The following RNF10 variants were observed in gnomAD, a reference collection of about 807,000 sequenced individuals.
The protein encoded by RNF10 is ring finger protein 10, also known as E3 ubiquitin-protein ligase RNF10.
A neutral mutation model predicts 91.4 loss-of-function variants in RNF10; 38 were observed. That is an observed-to-expected ratio of 0.42 (90% CI 0.32 to 0.54). The LOEUF (loss-of-function observed/expected upper bound fraction) is 0.54. RNF10 is among the 20% of genes least tolerant of loss of function. The probability of loss-of-function intolerance (pLI) is 0.16; values close to 1 mark genes in which losing one functional copy is unlikely to be tolerated. For synonymous variants in RNF10, 364 were observed against 366.3 expected, an observed-to-expected ratio of 0.99 and a Z score of 0.07; for missense variants, 945 against 1,012.0, an observed-to-expected ratio of 0.93 and a Z score of 0.90.
At chr12:120,549,740 G>A (rs1338576123) in intron 2 of RNF10, among the ~76,000 whole-genome samples, 4 of 152,076 alleles carry the variant, frequency 2.6e-5, no homozygotes, top group Admixed American at 6.6e-5. Flanking sequence ...ACCTGAGATC[G>A]CACCACTGCA....
At chr12:120,558,454 TA>T (rs147730561) in intron 6 of RNF10, among the ~76,000 whole-genome samples, 5 of 150,610 alleles carry the variant, frequency 3.3e-5, no homozygotes, top group East Asian at 1.9e-4. Flanking sequence ...GTGTATTAAT[TA>T]AAAAAAAATC....
At position 120,534,915 on chromosome 12, in the gene RNF10, A is replaced by G. The variant is rs778295631; in HGVS notation, c.104A>G (p.Gln35Arg). 11 of 1,606,480 alleles carry G rather than the reference A, an allele frequency of 6.8e-6. No homozygotes were observed. The highest frequency in any genetic ancestry group is 2.2e-5 in the East Asian group (1 of 44,734). ...SASSGSSKGQ[Q>R]PPRSASAGPA... ...TCTTCGGGCAGCAGCAAAGGGCAAC[A>G]GCCGCCCCGCTCCGCCTCGGCGGGG... Residue 35 changes from glutamine to arginine, a missense_variant, in exon 1 of 17, where the codon CAG becomes CGG. Transcript: ENST00000325954.
intron 14 of RNF10, among the ~76,000 whole-genome samples, chr12:120,572,974 C>G (rs1390139248): frequency 7.1e-6 from 1 of 140,092 alleles, no homozygotes; most frequent in Non-Finnish European, 1.5e-5. Flanking sequence ...TTTTGAAATA[C>G]AGAGTTGAAA....
At chr12:120,562,838 C>T in intron 7 of RNF10, 107 bp from the exon 8 acceptor site, 1 of 1,400,392 alleles carries the variant, frequency 7.1e-7, no homozygotes, top group Non-Finnish European at 1.0e-6. Context: ...GTCTCATTGC[C>T]TTTTAACTTT....
rs546585678 is a variant in RNF10, at chr12:120,577,008, A to G, written c.*342A>G. ...CTTTGAGATGCATTAGAGCAGTCCA[A>G]CCCAGAATGGCACACACTGCTCTGC... is the stretch of plus-strand genomic sequence containing the variant. On this transcript the variant is annotated 3_prime_UTR_variant, in exon 17 of 17. Coordinates refer to ENST00000325954, the MANE Select transcript of RNF10 (RefSeq NM_014868.5). The G allele has an allele frequency of 1.6e-5, 6 of 368,598 alleles. No homozygotes were observed. Among genetic ancestry groups the G allele is most frequent in the Admixed American group, 7.8e-5 (2 of 25,598 alleles). 22.8% of individuals were successfully genotyped at this position (368,598 alleles called of 1,614,324 possible). A position where few individuals can be genotyped will look rare whatever the true frequency, so the allele number is the denominator to read the frequency against.
intron 6 of RNF10, 113 bp from the exon 7 acceptor site, chr12:120,560,613 A>G (rs1593093116): frequency 1.0e-6 from 1 of 976,718 alleles, no homozygotes; most frequent in East Asian, 2.5e-5. Flanking sequence ...AAATCATGCT[A>G]AATTACCCCA....
At chr12:120,574,783 G>A (rs1235380288) in intron 14 of RNF10, 8 of 278,036 alleles carry the variant, frequency 2.9e-5, no homozygotes, top group African/African-American at 9.1e-5. Context: ...AAAATTAGCC[G>A]GGCGTGGTGG....
intron 2 of RNF10, among the ~76,000 whole-genome samples, chr12:120,549,541 T>C (rs530442379): frequency 6.6e-6 from 1 of 152,100 alleles, no homozygotes; most frequent in South Asian, 2.1e-4. Context: ...TCCCAGCACT[T>C]TGGGAGGCCA....
chr12:120,576,076 C>T, intron 16 of RNF10, 126 bp downstream of exon 16: 1 of 942,180 alleles, frequency 1.1e-6, no homozygotes, highest in South Asian at 1.5e-5. Flanking sequence ...TCAGCACACT[C>T]TAGTGTCATT....
intron 13 of RNF10, among the ~76,000 whole-genome samples, chr12:120,569,536 A>ATTTTTTTTTTTT (rs1326256466): frequency 4.8e-5 from 2 of 41,256 alleles, no homozygotes; most frequent in Admixed American, 3.2e-4. Context: ...TGTGATATGC[A>ATTTTTTTTTTTT]TCTTTTTTTT....
chr12:120,552,715 C>T lies in RNF10; in HGVS notation c.554+17C>T. The T allele has an allele frequency of 6.2e-7, 1 of 1,610,090 alleles. No homozygotes were observed. Among genetic ancestry groups the T allele is most frequent in the East Asian group, 2.2e-5 (1 of 44,854 alleles). On this transcript the variant is annotated intron_variant, in intron 3 of 16. Coordinates refer to ENST00000325954, the MANE Select transcript of RNF10 (RefSeq NM_014868.5). ...ACAGGCCAAGTGAGTATTGCTACCCCTCAGAGGAAAGGGAAAGTAGGACTC... is the reference window on the plus strand; with the variant it reads ...ACAGGCCAAGTGAGTATTGCTACCCTTCAGAGGAAAGGGAAAGTAGGACTC...
chr12:120,551,414 C>T (rs1873070854), intron 2 of RNF10, among the ~76,000 whole-genome samples: 1 of 149,652 alleles, frequency 6.7e-6, no homozygotes, highest in Non-Finnish European at 1.5e-5. Context: ...CCTGCCTCAG[C>T]CTCCCGAGTA....
intron 14 of RNF10, chr12:120,574,475 A>C (rs1206954037): frequency 2.2e-6 from 1 of 456,112 alleles, no homozygotes; most frequent in East Asian, 6.9e-5. Flanking sequence ...CAGGAATTTT[A>C]CTGGCCTGTG....
In RNF10 at chr12:120,560,717, T is replaced by TTCTTATAGATGAACAGCACAGCCAGTA; in HGVS notation, c.968-8_986dup. ...TTGCATTTCTTTGATCTTGCTGGCATTCTTATAGATGAACAGCACAGCCAG... is the reference window on the plus strand; with the variant it reads ...TTGCATTTCTTTGATCTTGCTGGCATTCTTATAGATGAACAGCACAGCCAGTATCTTATAGATGAACAGCACAGCCAG... On this transcript the variant is annotated splice_polypyrimidine_tract_variant and intron_variant, in intron 6 of 16. Transcript: ENST00000325954. 6.2e-7 allele frequency: 1 copy of TTCTTATAGATGAACAGCACAGCCAGTA among 1,606,264 alleles called. No individual in the cohort carries two copies. Among genetic ancestry groups the TTCTTATAGATGAACAGCACAGCCAGTA allele is most frequent in the Non-Finnish European group, 8.5e-7 (1 of 1,173,842 alleles).
chr12:120,560,678 G>C (rs787949), intron 6 of RNF10, 48 bp from the exon 7 acceptor site: 4 of 1,579,866 alleles, frequency 2.5e-6, no homozygotes, highest in Non-Finnish European at 2.6e-6. Flanking sequence ...CTACACCATC[G>C]TGAGCTTTGA....
rs1411637504 is a variant in RNF10, at chr12:120,534,789, C to T, written c.-23C>T. The T allele has an allele frequency of 3.9e-6, 6 of 1,547,304 alleles. No individual in the cohort carries two copies. In the East Asian group the frequency reaches 7.2e-5, roughly 19 times the overall value. ...GCCGCGCCCGCTCCGCTCCGACTGC[C>T]GTCGCCGCCGAGGCCCCCGTTGATG... On this transcript the variant is annotated 5_prime_UTR_variant, in exon 1 of 17. Transcript: ENST00000325954.
intron 7 of RNF10, among the ~76,000 whole-genome samples, chr12:120,562,190 A>G (rs1277008624): frequency 1.4e-5 from 2 of 146,816 alleles, no homozygotes; most frequent in Admixed American, 6.9e-5. Flanking sequence ...GTTCCCCTCT[A>G]TGTGTCCATG....
chr12:120,554,832 A>G (rs1299713677), intron 4 of RNF10, 24 bp downstream of exon 4: 2 of 1,581,050 alleles, frequency 1.3e-6, no homozygotes, highest in Non-Finnish European at 1.7e-6. Flanking sequence ...CCAAGCCCAT[A>G]AGCTATGAAT....
At chr12:120,545,449 C>T (rs777620025) in intron 1 of RNF10, among the ~76,000 whole-genome samples, 1 of 151,730 alleles carries the variant, frequency 6.6e-6, no homozygotes. Context: ...ACCTCGGCCT[C>T]CCAAAGTGCT....
Sources: gnomAD v4.1 joint callset for allele counts (sites outside exome capture counted in the v4.1 genomes callset) on GRCh38, gnomAD v4.1.1 for gene constraint, MANE v1.5 for transcripts, NCBI Gene and HGNC (gene_info 2026-07-23, HGNC 2026-07-21) for gene names.